The following YES1 variants were observed in gnomAD, a reference collection of about 807,000 sequenced individuals.
The protein encoded by YES1 is tyrosine-protein kinase Yes.
A neutral mutation model predicts 70.4 loss-of-function variants in YES1; 39 were observed. The observed-to-expected ratio is 0.55, with a 90% CI of 0.43 to 0.72. The LOEUF (loss-of-function observed/expected upper bound fraction) is 0.72. Ranked by LOEUF, YES1 falls within the 30% of genes least tolerant of loss-of-function variation. The pLI is 0.00. For synonymous variants in YES1, 198 were observed against 218.6 expected (o/e 0.91, Z 0.83); for missense variants, 495 against 644.8 (o/e 0.77, Z 2.52).
chr18:806,103 C>T (rs2145842502), intron 1 of YES1, among the ~76,000 whole-genome samples: 1 of 152,266 alleles, frequency 6.6e-6, no homozygotes, highest in South Asian at 2.1e-4. Context: ...AAAATCAGGA[C>T]TTCTTTTTCT....
At chr18:730,148 C>T (rs766464966) in intron 11 of YES1, among the ~76,000 whole-genome samples, 3 of 152,062 alleles carry the variant, frequency 2.0e-5, no homozygotes, top group Non-Finnish European at 4.4e-5. Context: ...AGGGTATGGA[C>T]TTTCTGGGGT....
chr18:731,858 T>TCGGGAGGCTGAGGCAGGAGAATGG (rs2080092112), intron 11 of YES1, among the ~76,000 whole-genome samples: 1 of 149,148 alleles, frequency 6.7e-6, no homozygotes, highest in African/African-American at 2.5e-5. Flanking sequence ...TCCTAGCTAC[T>TCGGGAGGCTGAGGCAGGAGAATGG]CGGGAGGCTG....
chr18:804,629 A>G lies in YES1; in HGVS notation c.-9+7485T>C, dbSNP rs1906996624. 2.8e-5 allele frequency among the ~76,000 whole-genome samples: 4 copies of G among 141,210 alleles called. No homozygotes were observed. The Admixed American group carries it at 2.9e-4, about 10-fold the overall frequency. 92.6% of individuals were successfully genotyped at this position (141,210 alleles called of 152,430 possible). Reference sequence around the variant, plus strand: ...AGTCTCAAAAAAAAAAAAAAAAAAAAAGGCCAGCTGAGGTGGCTCACACCT... The same window carrying G: ...AGTCTCAAAAAAAAAAAAAAAAAAAGAGGCCAGCTGAGGTGGCTCACACCT... On this transcript the variant is annotated intron_variant, in intron 1 of 11. Coordinates refer to ENST00000314574, the MANE Select transcript of YES1 (RefSeq NM_005433.4).
chr18:748,873 T>C (rs1460696512), intron 3 of YES1, among the ~76,000 whole-genome samples: 1 of 152,268 alleles, frequency 6.6e-6, no homozygotes, highest in African/African-American at 2.4e-5. Context: ...AAAAACTGAA[T>C]TTCTGGGCCA....
At chr18:753,764 G>A (rs1011465007) in intron 2 of YES1, among the ~76,000 whole-genome samples, 3 of 152,152 alleles carry the variant, frequency 2.0e-5, no homozygotes, top group African/African-American at 4.8e-5. Context: ...AGAATTAAAG[G>A]TGTGAGCCAC....
intron 1 of YES1, among the ~76,000 whole-genome samples, chr18:784,413 G>T (rs140938129): frequency 1.0e-3 from 155 of 152,352 alleles, no homozygotes; most frequent in African/African-American, 3.4e-3. Flanking sequence ...GTAAGTGACA[G>T]AGCCAGAAGC....
chr18:755,327 C>A (rs1055708042), intron 2 of YES1, among the ~76,000 whole-genome samples: 1 of 151,770 alleles, frequency 6.6e-6, no homozygotes, highest in Admixed American at 6.6e-5. Flanking sequence ...TGGCTCACTG[C>A]AATCTCTGCC....
intron 1 of YES1, among the ~76,000 whole-genome samples, chr18:757,882 AAAAG>A (rs1052697700): frequency 2.6e-5 from 4 of 152,130 alleles, no homozygotes; most frequent in East Asian, 1.9e-4. Flanking sequence ...AAAAAAAAGA[AAAAG>A]AAAGAAAACA....
chr18:729,579 G>A (rs1344695881), intron 11 of YES1, among the ~76,000 whole-genome samples: 2 of 143,432 alleles, frequency 1.4e-5, no homozygotes, highest in Non-Finnish European at 3.0e-5. Flanking sequence ...CTAACTCCAA[G>A]ATTTGGATTA....
chr18:763,927 C>CT (rs1480890715), intron 1 of YES1, among the ~76,000 whole-genome samples: 11 of 151,778 alleles, frequency 7.2e-5, no homozygotes, highest in African/African-American at 2.7e-4. Context: ...CGAGACCATC[C>CT]TGGCTAACAG....
At chr18:760,861 TTTCTTGTTCTCTCAATATATAATAAATG>T (rs1904556387) in intron 1 of YES1, among the ~76,000 whole-genome samples, 1 of 152,210 alleles carries the variant, frequency 6.6e-6, no homozygotes, top group African/African-American at 2.4e-5. Flanking sequence ...TTGCTCATGC[TTTCTTGTTCTCTCAATATATAATAAATG>T]TACACATGTG....
At position 724,229 on chromosome 18, in the gene YES1, T is replaced by C. The variant is rs2079991230; in HGVS notation, c.*195A>G. ...TTGTTTGGACCCTGAAATACGCTGA[T>C]AAATTCATCATTGGTACATTAGAGT... is the stretch of plus-strand genomic sequence containing the variant. On this transcript the variant is annotated 3_prime_UTR_variant, in exon 12 of 12. Coordinates refer to ENST00000314574, the MANE Select transcript of YES1 (RefSeq NM_005433.4). The C allele has an allele frequency of 8.6e-6, 5 of 581,842 alleles. No individual in the cohort carries two copies. The East Asian group carries it at 1.4e-4, about 17-fold the overall frequency. 36.0% of individuals were successfully genotyped at this position (581,842 alleles called of 1,614,324 possible).
At chr18:798,326 T>C (rs1045049132) in intron 1 of YES1, among the ~76,000 whole-genome samples, 1 of 152,218 alleles carries the variant, frequency 6.6e-6, no homozygotes, top group African/African-American at 2.4e-5. Context: ...TCAATATTGT[T>C]TTTCCTTTTC....
At chr18:784,080 C>G (rs556492739) in intron 1 of YES1, among the ~76,000 whole-genome samples, 1 of 152,144 alleles carries the variant, frequency 6.6e-6, no homozygotes, top group Non-Finnish European at 1.5e-5. Context: ...CATTTTAACA[C>G]ACATGTTGTC....
intron 1 of YES1, among the ~76,000 whole-genome samples, chr18:763,937 G>A (rs963559520): frequency 6.6e-6 from 1 of 151,612 alleles, no homozygotes; most frequent in Non-Finnish European, 1.5e-5. Flanking sequence ...CTGGCTAACA[G>A]GGCGAAAACC....
At chr18:754,421 T>C (rs1036863892) in intron 2 of YES1, among the ~76,000 whole-genome samples, 1 of 152,104 alleles carries the variant, frequency 6.6e-6, no homozygotes, top group Admixed American at 6.6e-5. Flanking sequence ...AAATATCAGC[T>C]CAAGGCTGGG....
intron 11 of YES1, among the ~76,000 whole-genome samples, chr18:726,781 CAAAAAAAAAAAAAAAAA>C (rs58322434): frequency 3.0e-4 from 14 of 47,250 alleles, no homozygotes; most frequent in African/African-American, 4.4e-4. Context: ...ACTCTTGTCT[CAAAAAAAAAAAAAAAAA>C]AAAAAAAAAA....
chr18:727,222 A>C (rs1268369705), intron 11 of YES1, among the ~76,000 whole-genome samples: 1 of 152,114 alleles, frequency 6.6e-6, no homozygotes, highest in Non-Finnish European at 1.5e-5. Flanking sequence ...TTTTATTATT[A>C]TGAAACGTCC....
Position 721,761 on chromosome 18 carries a change from G to A in YES1, c.*2663C>T, listed in dbSNP as rs1342292701. On this transcript the variant is annotated 3_prime_UTR_variant, in exon 12 of 12. Transcript: ENST00000314574. ...AACGATTAATAGGTGCATTCAATGA[G>A]AACTTTTTATTTCAATTATCCACAA... is the stretch of plus-strand genomic sequence containing the variant. The A allele has an allele frequency of 6.6e-6, 1 of 152,266 alleles. No homozygotes were observed. Among genetic ancestry groups the A allele is most frequent in the Non-Finnish European group, 1.5e-5 (1 of 68,032 alleles). The allele number at this position is 152,266 out of a possible 1,614,324, so 9.4% of individuals were successfully genotyped here.
Sources: allele counts gnomAD v4.1 joint callset (sites outside exome capture counted in the v4.1 genomes callset), GRCh38; gene constraint gnomAD v4.1.1; transcripts MANE v1.5; gene names NCBI Gene and HGNC (gene_info 2026-07-23, HGNC 2026-07-21).